Variants in NIPAL2 observed in about 807,000 individuals in gnomAD.
The protein encoded by NIPAL2 is NIPA-like protein 2.
A neutral mutation model predicts 48.9 loss-of-function variants in NIPAL2; 43 were observed. That is an observed-to-expected ratio of 0.88 (90% CI 0.69 to 1.13). NIPAL2 has a LOEUF of 1.13. NIPAL2 is among the 50% of genes most tolerant of loss of function. NIPAL2 has a pLI of 0.00. For missense variants in NIPAL2, 446 were observed against 461.4 expected, an observed-to-expected ratio of 0.97 and a Z score of 0.31; for synonymous variants, 167 against 174.6, an observed-to-expected ratio of 0.96 and a Z score of 0.34.
chr8:98,266,275 A>G (rs1301525995), intron 1 of NIPAL2, among the ~76,000 whole-genome samples: 6 of 99,892 alleles, frequency 6.0e-5, no homozygotes, highest in Admixed American at 2.7e-4. Flanking sequence ...TAAAACTTAA[A>G]GTATAATAAA....
intron 4 of NIPAL2, among the ~76,000 whole-genome samples, chr8:98,225,376 C>T (rs1470994468): frequency 6.6e-6 from 1 of 152,174 alleles, no homozygotes; most frequent in South Asian, 2.1e-4. Flanking sequence ...TATTTATATT[C>T]CACCTTTTTC....
intron 3 of NIPAL2, among the ~76,000 whole-genome samples, chr8:98,242,488 A>ATTTTTTTTTTT (rs568464494): frequency 0.019 from 2,280 of 117,560 alleles, 130 homozygotes; most frequent in African/African-American, 0.061. Context: ...CACCTGACAG[A>ATTTTTTTTTTT]TTTTTTTTTT....
At chr8:98,196,190 A>G (rs1810535819) in intron 8 of NIPAL2, among the ~76,000 whole-genome samples, 185 bp from the exon 9 acceptor site, 1 of 152,248 alleles carries the variant, frequency 6.6e-6, no homozygotes, top group African/African-American at 2.4e-5. Flanking sequence ...TTATTCCAAA[A>G]AGAACATAGA....
chr8:98,207,487 T>C (rs1441566657), intron 6 of NIPAL2, among the ~76,000 whole-genome samples: 1 of 152,078 alleles, frequency 6.6e-6, no homozygotes, highest in African/African-American at 2.4e-5. Flanking sequence ...TACTTAAAAA[T>C]AGAAGGTACT....
chr8:98,280,127 G>T (rs528414866), intron 1 of NIPAL2, among the ~76,000 whole-genome samples: 4 of 152,210 alleles, frequency 2.6e-5, no homozygotes, highest in African/African-American at 9.6e-5. Flanking sequence ...TGATTTGGCC[G>T]TATGGAGACA....
At chr8:98,252,975 C>A (rs150066335) in intron 2 of NIPAL2, among the ~76,000 whole-genome samples, 1 of 152,046 alleles carries the variant, frequency 6.6e-6, no homozygotes, top group East Asian at 1.9e-4. Context: ...AGGATGAAAT[C>A]TCTTGCTGTC....
At chr8:98,208,874 A>G (rs1176017405) in intron 6 of NIPAL2, among the ~76,000 whole-genome samples, 1 of 152,056 alleles carries the variant, frequency 6.6e-6, no homozygotes, top group Non-Finnish European at 1.5e-5. Context: ...TATCAATCAC[A>G]CAAGCAATAT....
At chr8:98,269,392 A>G (rs962428102) in intron 1 of NIPAL2, among the ~76,000 whole-genome samples, 1 of 152,244 alleles carries the variant, frequency 6.6e-6, no homozygotes, top group African/African-American at 2.4e-5. Context: ...CATAGGCTGC[A>G]GAATGGATGT....
At chr8:98,207,676 C>T (rs994697659) in intron 6 of NIPAL2, among the ~76,000 whole-genome samples, 2 of 151,982 alleles carry the variant, frequency 1.3e-5, no homozygotes, top group African/African-American at 2.4e-5. Context: ...ATTAAAATTG[C>T]CTGTAGTTTC....
chr8:98,203,350 A>T (rs1810891875), intron 7 of NIPAL2, among the ~76,000 whole-genome samples, 154 bp from the exon 8 acceptor site: 1 of 152,226 alleles, frequency 6.6e-6, no homozygotes, highest in Admixed American at 6.5e-5. Flanking sequence ...CATAGCTTAT[A>T]TGCATCTGAT....
At position 98,205,163 on chromosome 8, in the gene NIPAL2, T is replaced by C. The variant is rs35376347; in HGVS notation, c.739A>G (p.Ile247Val). The change falls in exon 7 of 11, where the codon ATT (isoleucine) becomes GTT (valine). Residue 247 changes from isoleucine to valine, a missense_variant. Coordinates refer to ENST00000430223, the MANE Select transcript of NIPAL2 (RefSeq NM_001321635.2). ...ATGATGATAAACATGATATAGAAAA[T>C]GGGGTAAGTTAGTTGCATTTTATCC... ...VMDKMQLTYP[I>V]FYIMFIIMIA... is the part of the protein sequence containing the mutation. 16,928 of 1,613,388 alleles carry C rather than the reference T, an allele frequency of 0.01. 144 individuals carry two copies. The highest frequency in any genetic ancestry group is 0.011 in the Non-Finnish European group (13,547 of 1,179,580).
chr8:98,282,218 C>G (rs548963712), intron 1 of NIPAL2, among the ~76,000 whole-genome samples: 1 of 152,084 alleles, frequency 6.6e-6, no homozygotes, highest in East Asian at 1.9e-4. Context: ...AACAAGGGGC[C>G]CTGCAGGCCT....
chr8:98,211,141 T>C (rs1811290877), intron 6 of NIPAL2, among the ~76,000 whole-genome samples: 1 of 152,234 alleles, frequency 6.6e-6, no homozygotes, highest in African/African-American at 2.4e-5. Flanking sequence ...ATTTTCAAAA[T>C]CAATCTGGAA....
intron 1 of NIPAL2, among the ~76,000 whole-genome samples, chr8:98,267,835 G>C (rs1814866124): frequency 6.6e-6 from 1 of 152,028 alleles, no homozygotes; most frequent in South Asian, 2.1e-4. Flanking sequence ...AATTAACTTT[G>C]AAGTTTGTTC....
At chr8:98,244,616 C>T (rs576366437) in intron 3 of NIPAL2, among the ~76,000 whole-genome samples, 1 of 91,620 alleles carries the variant, frequency 1.1e-5, no homozygotes, top group East Asian at 2.8e-4. Context: ...AGAGGGTGGG[C>T]TGTGGTGATG....
At chr8:98,240,137 C>G (rs1328064528) in intron 3 of NIPAL2, among the ~76,000 whole-genome samples, 1 of 152,126 alleles carries the variant, frequency 6.6e-6, no homozygotes, top group Admixed American at 6.5e-5. Flanking sequence ...CAGATTTGTA[C>G]TAGTTATGGT....
At chr8:98,213,050 T>C (rs537827104) in intron 5 of NIPAL2, among the ~76,000 whole-genome samples, 3 of 152,310 alleles carry the variant, frequency 2.0e-5, no homozygotes, top group East Asian at 3.9e-4. Flanking sequence ...ATTTGGATAA[T>C]GAAATATTTT....
intron 3 of NIPAL2, among the ~76,000 whole-genome samples, chr8:98,237,071 T>C (rs541243121): frequency 6.6e-6 from 1 of 151,766 alleles, no homozygotes; most frequent in South Asian, 2.1e-4. Flanking sequence ...TATTTTTTTC[T>C]TTTTTTTGAG....
At chr8:98,288,643 T>A (rs917018122) in intron 1 of NIPAL2, among the ~76,000 whole-genome samples, 1 of 150,874 alleles carries the variant, frequency 6.6e-6, no homozygotes, top group Non-Finnish European at 1.5e-5. Flanking sequence ...TTGAACTAGT[T>A]TACAGTCCCA....
Sources: gnomAD v4.1 joint callset for allele counts (sites outside exome capture counted in the v4.1 genomes callset) on GRCh38, gnomAD v4.1.1 for gene constraint, MANE v1.5 for transcripts, NCBI Gene and HGNC (gene_info 2026-07-23, HGNC 2026-07-21) for gene names.